Variants in IL4I1 observed in about 807,000 individuals in gnomAD.
IL4I1 encodes the protein L-amino-acid oxidase.
In IL4I1, 24 loss-of-function variants were observed where a neutral mutation model predicts 29.7. The ratio of observed to expected loss-of-function variants is 0.81; its 90% confidence interval spans 0.59 to 1.14. IL4I1 has a LOEUF of 1.14. IL4I1 is among the 50% of genes most tolerant of loss of function. IL4I1 has a pLI of 0.00. For synonymous variants in IL4I1, 371 were observed against 352.5 expected (o/e 1.05, Z -0.59); for missense variants, 686 against 785.6 (o/e 0.87, Z 1.52).
At position 49,921,348 on chromosome 19, in the gene IL4I1, TC is replaced by T. The variant is rs1161948581; in HGVS notation, c.-228+6345del. Among the ~76,000 whole-genome samples the T allele has an allele frequency of 6.6e-6, 1 of 151,866 alleles. No homozygotes were observed. Among genetic ancestry groups the T allele is most frequent in the Non-Finnish European group, 1.5e-5 (1 of 67,972 alleles). On this transcript the variant is annotated intron_variant, in intron 2 of 9. Transcript: ENST00000341114. This position sits in a 1 kb window ranked among gnomAD's most constrained non-coding sequence, Gnocchi z 5.4. Reference sequence around the variant, plus strand: ...TCTCCAAAACATGGTCTTTTTTTGCTCCCCACTGCCACCACCATCACCGTCC... The same window carrying T: ...TCTCCAAAACATGGTCTTTTTTTGCTCCCACTGCCACCACCATCACCGTCC...
intron 5 of IL4I1, among the ~76,000 whole-genome samples, chr19:49,892,150 C>T (rs1188464503): frequency 2.7e-5 from 4 of 147,626 alleles, no homozygotes; most frequent in Non-Finnish European, 4.4e-5. Flanking sequence ...GGCGCCATCT[C>T]AGCTCACTGA....
At chr19:49,890,657 T>G (rs1427336001) in intron 7 of IL4I1, 57 bp from the exon 8 acceptor site, 2 of 1,400,642 alleles carry the variant, frequency 1.4e-6, no homozygotes, top group African/African-American at 3.0e-5. Flanking sequence ...GCCCTGCCCC[T>G]CTGCCTTGCC....
intron 2 of IL4I1, 32 bp from the exon 3 acceptor site, chr19:49,896,085 G>A (rs1402803131): frequency 6.2e-7 from 1 of 1,603,892 alleles, no homozygotes; most frequent in African/African-American, 1.3e-5. Context: ...CAACGGGGTT[G>A]TGGCAGGTCG....
chr19:49,927,566 G>A (rs1475519969), intron 2 of IL4I1: 1 of 152,192 alleles, frequency 6.6e-6, no homozygotes. Flanking sequence ...ATAGGCCCAA[G>A]AAAATATAGG....
intron 2 of IL4I1, among the ~76,000 whole-genome samples, chr19:49,922,260 G>A (rs1185307701): frequency 2.6e-5 from 4 of 152,216 alleles, no homozygotes; most frequent in African/African-American, 9.6e-5. Context: ...GCGAGTCCCT[G>A]TGGGGGACAG....
At position 49,924,357 on chromosome 19, in the gene IL4I1, C is replaced by T. The variant is rs77241140; in HGVS notation, c.-228+3337G>A. ...CTGATCTCCCTCCCTCTCCACACCA[C>T]CCCTACTCTTGCTGTGCGGGGGTTC... On this transcript the variant is annotated intron_variant, in intron 2 of 9. Transcript: ENST00000341114. Among the ~76,000 whole-genome samples, 622 of 152,320 alleles carry T rather than the reference C, an allele frequency of 4.1e-3. 23 individuals carry two copies. In the East Asian group the frequency reaches 0.1, roughly 25 times the overall value.
In IL4I1 at chr19:49,921,483, G is replaced by A. The variant is rs554110764; in HGVS notation, c.-228+6211C>T. ...TCTCAAATCCAATTCAGGATGATCC[G>A]CCCGCCCCAGCTGCAGACGATGGCC... On this transcript the variant is annotated intron_variant, in intron 2 of 9. Coordinates refer to the IL4I1 transcript ENST00000341114. The surrounding 1 kb of genome is among the most constrained non-coding windows in gnomAD (Gnocchi z 5.4). Among the ~76,000 whole-genome samples the A allele has an allele frequency of 7.2e-4, 109 of 152,210 alleles. No homozygotes were observed. Among genetic ancestry groups the A allele is most frequent in the Non-Finnish European group, 1.4e-3 (96 of 68,022 alleles).
intron 5 of IL4I1, among the ~76,000 whole-genome samples, chr19:49,891,902 C>T (rs985233963): frequency 1.3e-5 from 2 of 152,032 alleles, no homozygotes; most frequent in African/African-American, 2.4e-5. Flanking sequence ...ACTGTGGCCA[C>T]GGACAGAAGC....
In IL4I1 at chr19:49,913,318, C is replaced by T. The variant is rs1312426966; in HGVS notation, c.-227-8997G>A. Among the ~76,000 whole-genome samples, 4 of 152,338 alleles carry T rather than the reference C, an allele frequency of 2.6e-5. No homozygotes were observed. In the East Asian group the frequency reaches 7.7e-4, roughly 29 times the overall value. ...AAGAGAGAAAATGGCCCTTGACCAGCTCCAGGAGAATCTCTATGTTCTTGA... is the reference window on the plus strand; with the variant it reads ...AAGAGAGAAAATGGCCCTTGACCAGTTCCAGGAGAATCTCTATGTTCTTGA... On this transcript the variant is annotated intron_variant, in intron 2 of 9. Coordinates refer to the IL4I1 transcript ENST00000341114.
At chr19:49,909,416 G>T in intron 2 of IL4I1, 2 of 1,613,880 alleles carry the variant, frequency 1.2e-6, no homozygotes, top group South Asian at 2.2e-5. Flanking sequence ...GCCCTGGCTG[G>T]AGGTGACGGT....
At chr19:49,908,509 G>A in intron 2 of IL4I1, 1 of 1,614,150 alleles carries the variant, frequency 6.2e-7, no homozygotes, top group African/African-American at 1.3e-5. Context: ...CCAGCTTGTA[G>A]GTTTTCTCAC....
chr19:49,889,807 C>T lies in IL4I1; in HGVS notation c.1567G>A (p.Asp523Asn). 6.5e-7 allele frequency: 1 copy of T among 1,548,254 alleles called. No individual in the cohort carries two copies. Among genetic ancestry groups the T allele is most frequent in the Admixed American group, 2.0e-5 (1 of 49,674 alleles). ...DTASPEGHAS[D>N]MEGQGHVHGV... ...TGCACATGCCCCTGCCCCTCCATGT[C>T]AGATGCGTGCCCCTCGGGGCTGGCC... Residue 523 changes from aspartate to asparagine, a missense_variant, in exon 8 of 8, where the codon GAC (aspartate) becomes AAC (asparagine). Asp to Asn is a conservative substitution (Grantham distance 23). Transcript: ENST00000391826.
In IL4I1 at chr19:49,894,345, C is replaced by T. The variant is rs182795409; in HGVS notation, c.490G>A (p.Glu164Lys). The change falls in exon 5 of 8, where the codon GAG becomes AAG. Residue 164 changes from glutamate (E) to lysine (K), a missense_variant. Physicochemically the swap from Glu to Lys is moderately conservative, Grantham distance 56 (BLOSUM62 1). Coordinates refer to ENST00000391826, the MANE Select transcript of IL4I1 (RefSeq NM_152899.2). ...GGACGCAAGGCGTAGCCCAGCTTCT[C>T]GGGCACCTTCTCCACCACATAGTTG... ...LRNYVVEKVP[E>K]KLGYALRPQE... The T allele has an allele frequency of 1.1e-5, 17 of 1,614,238 alleles. 1 individual carries two copies. The highest frequency in any genetic ancestry group is 7.7e-5 in the South Asian group (7 of 91,088).
chr19:49,904,034 C>T lies in IL4I1; in HGVS notation c.-105+165G>A, dbSNP rs544450078. 8.2e-4 allele frequency among the ~76,000 whole-genome samples: 124 copies of T among 151,872 alleles called. 1 individual carries two copies. Among genetic ancestry groups the T allele is most frequent in the African/African-American group, 3.0e-3 (123 of 41,420 alleles). ...TTGTATTTTTGTAGAGACGAGGTTT[C>T]GCCATGTTGCCCAGGCTGGTCTCAA... On this transcript the variant is annotated intron_variant, in intron 3 of 9. Transcript: ENST00000341114.
rs560392469 is a variant in IL4I1, at chr19:49,921,570, C to T, written c.-228+6124G>A. On this transcript the variant is annotated intron_variant, in intron 2 of 9. Transcript: ENST00000341114. This position sits in a 1 kb window ranked among gnomAD's most constrained non-coding sequence, Gnocchi z 5.4. The stretch of plus-strand genomic sequence containing the variant: ...TCGCCAACCCCCATACGTTCCTGCT[C>T]TGTGGTAGGTCAGGAAGAAGAGGGC... Among the ~76,000 whole-genome samples the T allele has an allele frequency of 2.6e-5, 4 of 152,204 alleles. No homozygotes were observed. Among genetic ancestry groups the T allele is most frequent in the African/African-American group, 4.8e-5 (2 of 41,460 alleles).
intron 2 of IL4I1, among the ~76,000 whole-genome samples, chr19:49,923,253 C>T (rs945199686): frequency 3.3e-5 from 5 of 152,218 alleles, no homozygotes; most frequent in Non-Finnish European, 7.3e-5. Context: ...TTTGCCAGGA[C>T]TCCCACCTTC....
chr19:49,891,553 T>A, intron 5 of IL4I1, 80 bp from the exon 6 acceptor site: 8 of 1,284,522 alleles, frequency 6.2e-6, no homozygotes, highest in Non-Finnish European at 9.1e-6. Context: ...CACACTCGGC[T>A]TCTCCTCGTG....
Position 49,924,291 on chromosome 19 carries a change from T to C in IL4I1, c.-228+3403A>G, listed in dbSNP as rs370004773. Among the ~76,000 whole-genome samples, 17 of 152,274 alleles carry C rather than the reference T, an allele frequency of 1.1e-4. No individual in the cohort carries two copies. The East Asian group carries it at 2.1e-3, about 19-fold the overall frequency. On this transcript the variant is annotated intron_variant, in intron 2 of 9. Coordinates refer to the IL4I1 transcript ENST00000341114. Reference sequence around the variant, plus strand: ...AGCCTCTGTGATCTGAGGCCCCTTCTTGGCACCGAGCCTCAGATTCTCAGG... The same window carrying C: ...AGCCTCTGTGATCTGAGGCCCCTTCCTGGCACCGAGCCTCAGATTCTCAGG...
At chr19:49,916,801 G>A (rs774695602) in intron 2 of IL4I1, among the ~76,000 whole-genome samples, 5 of 152,166 alleles carry the variant, frequency 3.3e-5, no homozygotes, top group African/African-American at 7.2e-5. Context: ...GCATGGTGGC[G>A]TGTGCCTGTG....
Sources: gnomAD v4.1 joint callset for allele counts (sites outside exome capture counted in the v4.1 genomes callset) on GRCh38, gnomAD v4.1.1 for gene constraint, Gnocchi (gnomAD v3.1) non-coding constraint, MANE v1.5 for transcripts, NCBI Gene and HGNC (gene_info 2026-07-23, HGNC 2026-07-21) for gene names.